FBXL5: variants seen among roughly 807,000 people sequenced by gnomAD.
The protein encoded by FBXL5 is F-box/LRR-repeat protein 5.
In FBXL5, 26 loss-of-function variants were observed where a neutral mutation model predicts 78.3. That is an observed-to-expected ratio of 0.33 (90% confidence interval 0.24 to 0.46). The LOEUF (loss-of-function observed/expected upper bound fraction) is 0.46. FBXL5 is among the 20% of genes least tolerant of loss of function. The probability of loss-of-function intolerance (pLI) is 1.00; values close to 1 mark genes in which losing one functional copy is unlikely to be tolerated. For synonymous variants in FBXL5, 295 were observed against 282.5 expected (o/e 1.04, Z -0.45); for missense variants, 710 against 829.2 (o/e 0.86, Z 1.77).
At chr4:15,639,664 C>T (rs1023539846) in intron 3 of FBXL5, among the ~76,000 whole-genome samples, 2 of 152,140 alleles carry the variant, frequency 1.3e-5, no homozygotes, top group African/African-American at 4.8e-5. Context: ...AAACACTGGT[C>T]AGTCTAGAAA....
At chr4:15,671,612 A>G (rs530481149) in intron 1 of FBXL5, among the ~76,000 whole-genome samples, 1 of 152,094 alleles carries the variant, frequency 6.6e-6, no homozygotes, top group Admixed American at 6.5e-5. Context: ...TGGAGTTCAT[A>G]TCTTCTTGAA....
chr4:15,623,035 T>C (rs1011194348), intron 9 of FBXL5, among the ~76,000 whole-genome samples: 1 of 152,174 alleles, frequency 6.6e-6, no homozygotes, highest in Non-Finnish European at 1.5e-5. Context: ...CCAAAAATCA[T>C]ACCCTAAAAT....
chr4:15,616,719 C>T (rs987269713), intron 9 of FBXL5, among the ~76,000 whole-genome samples: 3 of 152,216 alleles, frequency 2.0e-5, no homozygotes, highest in Admixed American at 6.5e-5. Context: ...ACCAAGAATG[C>T]CCACAGGGAT....
intron 1 of FBXL5, among the ~76,000 whole-genome samples, chr4:15,665,166 A>G (rs1717485576): frequency 6.6e-6 from 1 of 152,186 alleles, no homozygotes; most frequent in Non-Finnish European, 1.5e-5. Context: ...TTATGAGCTT[A>G]GCTGCCAATG....
At chr4:15,677,105 A>G (rs1718023096) in intron 1 of FBXL5, among the ~76,000 whole-genome samples, 1 of 152,202 alleles carries the variant, frequency 6.6e-6, no homozygotes, top group Admixed American at 6.5e-5. Flanking sequence ...AAGACAAGCA[A>G]GGTAACAGAT....
At chr4:15,609,805 T>A (rs1722121696) in intron 10 of FBXL5, among the ~76,000 whole-genome samples, 1 of 152,068 alleles carries the variant, frequency 6.6e-6, no homozygotes, top group Non-Finnish European at 1.5e-5. Context: ...GTACAGTGTC[T>A]TGCACTGTAC....
At chr4:15,609,171 T>A (rs1258766980) in intron 10 of FBXL5, among the ~76,000 whole-genome samples, 1 of 152,046 alleles carries the variant, frequency 6.6e-6, no homozygotes, top group East Asian at 1.9e-4. Flanking sequence ...ATTTGACTTA[T>A]CACCAGCAAA....
At chr4:15,659,530 C>T (rs147948405), upstream of FBXL5, among the ~76,000 whole-genome samples, 492 of 152,240 alleles carry the variant, frequency 3.2e-3, 1 homozygote, top group African/African-American at 0.011. Flanking sequence ...CCGCAAACTA[C>T]GTTAACTGTC....
rs184297566 is a variant in FBXL5, at chr4:15,617,221, C to T, written c.1851-4807G>A. Among the ~76,000 whole-genome samples the T allele has an allele frequency of 5.9e-5, 9 of 152,232 alleles. No homozygotes were observed. The East Asian group carries it at 1.7e-3, about 29-fold the overall frequency. On this transcript the variant is annotated intron_variant, in intron 9 of 10. Transcript: ENST00000341285. ...CAAAGACATGGACTCAACCTAAATA[C>T]CCATAAGTCATAGAATGGATAAAGA...
intron 1 of FBXL5, among the ~76,000 whole-genome samples, chr4:15,648,494 A>C (rs933445875): frequency 6.6e-6 from 1 of 152,218 alleles, no homozygotes; most frequent in African/African-American, 2.4e-5. Flanking sequence ...GTGCTTGTCC[A>C]CAAATGAGTA....
At chr4:15,636,807 GA>G in intron 4 of FBXL5, 131 bp from the exon 5 acceptor site, 1 of 624,594 alleles carries the variant, frequency 1.6e-6, no homozygotes, top group Non-Finnish European at 2.7e-6. Flanking sequence ...ATGTGAAAAT[GA>G]AATAACATGT....
Position 15,673,785 on chromosome 4 carries a change from T to C in FBXL5, c.-284+7598A>G, listed in dbSNP as rs575955150. Reference sequence around the variant, plus strand: ...CCCTTCTAGCAAACTCTGGCTGCACTGGTTTCACCAGGCTCCAGGCTCTAT... The same window carrying C: ...CCCTTCTAGCAAACTCTGGCTGCACCGGTTTCACCAGGCTCCAGGCTCTAT... On this transcript the variant is annotated intron_variant, in intron 1 of 4. Coordinates refer to the FBXL5 transcript ENST00000507899. Among the ~76,000 whole-genome samples the C allele has an allele frequency of 5.3e-5, 8 of 152,344 alleles. No homozygotes were observed. The South Asian group carries it at 1.7e-3, about 32-fold the overall frequency.
chr4:15,655,362 G>T, upstream of FBXL5: 3 of 1,174,970 alleles, frequency 2.6e-6, no homozygotes, highest in Non-Finnish European at 3.2e-6. Flanking sequence ...CGGGGCAGAG[G>T]CGGCGCGCCC....
Position 15,624,362 on chromosome 4 carries a change from T to TATAA in FBXL5, c.1850+886_1850+889dup, listed in dbSNP as rs1248713403. Among the ~76,000 whole-genome samples the TATAA allele has an allele frequency of 2.0e-5, 3 of 151,960 alleles. No homozygotes were observed. In the East Asian group the frequency reaches 5.8e-4, roughly 29 times the overall value. ...TATTCCTCTTACATAAGCCTCAAAG[T>TATAA]ATAAGGTTAAGTATTTTGCACAAAG... On this transcript the variant is annotated intron_variant, in intron 9 of 10. Coordinates refer to ENST00000341285, the MANE Select transcript of FBXL5 (RefSeq NM_012161.4).
chr4:15,607,047 G>C (rs1721935820), intron 10 of FBXL5, among the ~76,000 whole-genome samples: 1 of 152,076 alleles, frequency 6.6e-6, no homozygotes, highest in Admixed American at 6.6e-5. Context: ...AATTTCTTAA[G>C]ACATACAGTC....
chr4:15,640,625 GT>G (rs1009114096), intron 3 of FBXL5, among the ~76,000 whole-genome samples, 162 bp downstream of exon 3: 49 of 145,028 alleles, frequency 3.4e-4, no homozygotes, highest in Non-Finnish European at 5.8e-4. Flanking sequence ...CAAAACAAAC[GT>G]TTTTTTTTTC....
intron 1 of FBXL5, among the ~76,000 whole-genome samples, chr4:15,665,646 C>T (rs1030029073): frequency 3.3e-5 from 5 of 152,106 alleles, no homozygotes; most frequent in African/African-American, 7.2e-5. Context: ...ACTAGAGCCC[C>T]GACATGTTTT....
At chr4:15,622,825 T>C (rs775048376) in intron 9 of FBXL5, among the ~76,000 whole-genome samples, 2 of 152,240 alleles carry the variant, frequency 1.3e-5, no homozygotes, top group African/African-American at 4.8e-5. Flanking sequence ...AGACAGATCC[T>C]ACGTGTTCCC....
chr4:15,631,934 TCAATATTGC>T (rs1713716265), intron 5 of FBXL5, among the ~76,000 whole-genome samples: 1 of 152,256 alleles, frequency 6.6e-6, no homozygotes, highest in Non-Finnish European at 1.5e-5. Context: ...ATCCCATTTG[TCAATATTGC>T]CTTTTGTTGC....
Sources: gnomAD v4.1 joint callset for allele counts (sites outside exome capture counted in the v4.1 genomes callset) on GRCh38, gnomAD v4.1.1 for gene constraint, MANE v1.5 for transcripts, NCBI Gene and HGNC (gene_info 2026-07-23, HGNC 2026-07-21) for gene names.